R3HDM2: variants seen among roughly 807,000 people sequenced by gnomAD.
R3HDM2 encodes the protein R3H domain-containing protein 2.
R3HDM2 carries 38 observed loss-of-function variants against 124.5 expected under a neutral mutation model. The observed-to-expected ratio is 0.31, with a 90% CI of 0.24 to 0.40. R3HDM2 has a LOEUF of 0.40. Among genes scored for constraint, R3HDM2 ranks in the 10% least tolerant of loss-of-function variants. The pLI, the probability that R3HDM2 is intolerant of heterozygous loss-of-function variation, is 1.00. For synonymous variants in R3HDM2, 391 were observed against 448.0 expected, an observed-to-expected ratio of 0.87 and a Z score of 1.61; for missense variants, 869 against 1,236.9, an observed-to-expected ratio of 0.70 and a Z score of 4.46.
chr12:57,297,863 A>G, intron 7 of R3HDM2: 1 of 554,140 alleles, frequency 1.8e-6, no homozygotes, highest in South Asian at 2.1e-5. Flanking sequence ...TTGTTTCTGC[A>G]TTCTTCTTTC....
chr12:57,376,006 A>G (rs2064015299), intron 2 of R3HDM2, among the ~76,000 whole-genome samples: 2 of 152,198 alleles, frequency 1.3e-5, no homozygotes, highest in Admixed American at 6.5e-5. Flanking sequence ...TCCATCAACC[A>G]GAGTAAGCCA....
chr12:57,266,705 A>G, intron 19 of R3HDM2, 26 bp downstream of exon 19: 1 of 1,529,050 alleles, frequency 6.5e-7, no homozygotes, highest in Admixed American at 1.7e-5. Flanking sequence ...TCAGTGCCCA[A>G]GACCCACAGT....
intron 2 of R3HDM2, among the ~76,000 whole-genome samples, chr12:57,351,424 G>A (rs2060663277): frequency 6.6e-6 from 1 of 152,184 alleles, no homozygotes; most frequent in Admixed American, 6.5e-5. Context: ...ACATCAACAG[G>A]ATATAAAAGG....
At chr12:57,372,594 A>G (rs1035148536) in intron 2 of R3HDM2, among the ~76,000 whole-genome samples, 3 of 152,226 alleles carry the variant, frequency 2.0e-5, no homozygotes, top group Non-Finnish European at 4.4e-5. Flanking sequence ...GAGCTAATAA[A>G]CAATGGTACT....
chr12:57,283,488 C>T (rs1010874802), intron 13 of R3HDM2, among the ~76,000 whole-genome samples: 3 of 152,136 alleles, frequency 2.0e-5, no homozygotes, highest in Non-Finnish European at 4.4e-5. Flanking sequence ...CCTGTAATCC[C>T]AGCACTTTAG....
At chr12:57,280,235 A>G (rs2045815232) in intron 14 of R3HDM2, 123 bp downstream of exon 14, 5 of 1,006,994 alleles carry the variant, frequency 5.0e-6, no homozygotes, top group Non-Finnish European at 6.9e-6. Context: ...GAAATGGGGG[A>G]GAGAGTGGCA....
chr12:57,393,135 GCT>G (rs2066977023), intron 2 of R3HDM2, among the ~76,000 whole-genome samples: 1 of 145,154 alleles, frequency 6.9e-6, no homozygotes, highest in African/African-American at 2.6e-5. Context: ...AAGGAGTCTC[GCT>G]CTGTCGCCCA....
At chr12:57,278,985 G>A (rs2045500204) in intron 14 of R3HDM2, among the ~76,000 whole-genome samples, 1 of 152,064 alleles carries the variant, frequency 6.6e-6, no homozygotes, top group Non-Finnish European at 1.5e-5. Context: ...CTAATAAGCA[G>A]AGGGATGAGG....
intron 2 of R3HDM2, among the ~76,000 whole-genome samples, chr12:57,340,092 G>A (rs1212338105): frequency 6.6e-6 from 1 of 152,132 alleles, no homozygotes; most frequent in African/African-American, 2.4e-5. Flanking sequence ...GAAATAAAAA[G>A]AACTTTTGGC....
chr12:57,254,682 T>C lies in R3HDM2; in HGVS notation c.*91A>G. 8.6e-7 allele frequency: 1 copy of C among 1,167,290 alleles called. No homozygotes were observed. 72.3% of individuals were successfully genotyped at this position (1,167,290 alleles called of 1,614,324 possible). On this transcript the variant is annotated 3_prime_UTR_variant, in exon 24 of 24. Coordinates refer to ENST00000402412, the MANE Select transcript of R3HDM2 (RefSeq NM_001394031.1). ...TCCAGTTTAACATCAGTTTCCTTACTTCCTGCCTCTGTCCATGGTCTGTCA... is the reference window on the plus strand; with the variant it reads ...TCCAGTTTAACATCAGTTTCCTTACCTCCTGCCTCTGTCCATGGTCTGTCA...
chr12:57,256,570 A>G, intron 21 of R3HDM2, 59 bp from the exon 22 acceptor site: 4 of 1,309,288 alleles, frequency 3.1e-6, no homozygotes, highest in Non-Finnish European at 4.2e-6. Flanking sequence ...TGACTTTTAT[A>G]AGACTTCAAG....
At position 57,370,400 on chromosome 12, in the gene R3HDM2, G is replaced by GGC. The variant is rs1336931810; in HGVS notation, c.-36+25348_-36+25349insGC. ...AATCACAGCACTTTGGGAGGCCCGG[G>GGC]GGGGGGGGGCGGGGTGGATCACCTG... is the stretch of plus-strand genomic sequence containing the variant. On this transcript the variant is annotated intron_variant, in intron 2 of 23. Coordinates refer to ENST00000402412, the MANE Select transcript of R3HDM2 (RefSeq NM_001394031.1). Among the ~76,000 whole-genome samples the GGC allele has an allele frequency of 3.5e-5, 4 of 115,630 alleles. No individual in the cohort carries two copies. In the South Asian group the frequency reaches 1.0e-3, roughly 29 times the overall value. 75.9% of individuals were successfully genotyped at this position (115,630 alleles called of 152,430 possible). A position where few individuals can be genotyped will look rare whatever the true frequency, so the allele number is the denominator to read the frequency against.
intron 1 of R3HDM2, among the ~76,000 whole-genome samples, chr12:57,419,745 T>C (rs541548181): frequency 6.6e-6 from 1 of 152,134 alleles, no homozygotes; most frequent in East Asian, 1.9e-4. Flanking sequence ...CCCAGCCTCA[T>C]ACCATATTCT....
chr12:57,376,726 G>A (rs934321922), intron 2 of R3HDM2, among the ~76,000 whole-genome samples: 1 of 152,040 alleles, frequency 6.6e-6, no homozygotes, highest in Admixed American at 6.6e-5. Context: ...GAGGCAGGCG[G>A]ATCACCTGAG....
At chr12:57,274,182 A>G (rs945936078) in intron 14 of R3HDM2, among the ~76,000 whole-genome samples, 2 of 152,110 alleles carry the variant, frequency 1.3e-5, no homozygotes, top group African/African-American at 4.8e-5. Context: ...AAAGGACAGT[A>G]AAGTGGTTAA....
rs2049894893 is a variant in R3HDM2 at position 57,296,393 on chromosome 12, C to G, written c.701+18G>C. On this transcript the variant is annotated intron_variant, in intron 9 of 23. Coordinates refer to ENST00000402412, the MANE Select transcript of R3HDM2 (RefSeq NM_001394031.1). This position sits in a 1 kb window ranked among gnomAD's most constrained non-coding sequence, Gnocchi z 4.5. ...TTATCCCAGGGAAGTCTTCCCAAAC[C>G]ATGGTTTCCTCCCTTACATTCTTGT... 1 of 1,551,772 alleles carries G rather than the reference C, an allele frequency of 6.4e-7. No homozygotes were observed. Among genetic ancestry groups the G allele is most frequent in the Admixed American group, 2.0e-5 (1 of 50,972 alleles).
chr12:57,357,537 A>G (rs1327253282), intron 2 of R3HDM2, among the ~76,000 whole-genome samples: 2 of 151,686 alleles, frequency 1.3e-5, no homozygotes, highest in Admixed American at 6.6e-5. Context: ...TCTCTCATAC[A>G]TACCTAATAC....
At chr12:57,416,425 C>CAAAA (rs944047983) in intron 1 of R3HDM2, among the ~76,000 whole-genome samples, 5 of 152,062 alleles carry the variant, frequency 3.3e-5, no homozygotes, top group African/African-American at 1.2e-4. Context: ...ATGTTGGAGC[C>CAAAA]AAAAAGAACA....
intron 2 of R3HDM2, among the ~76,000 whole-genome samples, chr12:57,350,496 C>T (rs779274863): frequency 6.6e-6 from 1 of 152,058 alleles, no homozygotes; most frequent in African/African-American, 2.4e-5. Flanking sequence ...AATGGTCAGG[C>T]GTGATGGTTA....
Sources: allele counts gnomAD v4.1 joint callset (sites outside exome capture counted in the v4.1 genomes callset), GRCh38; gene constraint gnomAD v4.1.1; non-coding constraint Gnocchi (gnomAD v3.1); transcripts MANE v1.5; gene names NCBI Gene and HGNC (gene_info 2026-07-23, HGNC 2026-07-21).